The following ACOT12 variants were observed in gnomAD, a reference collection of about 807,000 sequenced individuals.
ACOT12 encodes the protein acetyl-coenzyme A thioesterase.
A neutral mutation model predicts 67.7 loss-of-function variants in ACOT12; 51 were observed. The ratio of observed to expected loss-of-function variants is 0.75; its 90% CI spans 0.60 to 0.95. ACOT12 has a LOEUF of 0.95. ACOT12 is among the 40% of genes least tolerant of loss of function. The pLI is 0.00. For missense variants in ACOT12, 734 were observed against 708.1 expected, an observed-to-expected ratio of 1.04 and a Z score of -0.41; for synonymous variants, 251 against 244.6, an observed-to-expected ratio of 1.03 and a Z score of -0.24.
intron 2 of ACOT12, among the ~76,000 whole-genome samples, chr5:81,379,538 A>G (rs1760519287): frequency 6.6e-6 from 1 of 152,108 alleles, no homozygotes; most frequent in Non-Finnish European, 1.5e-5. Flanking sequence ...ACAACACGTC[A>G]TTCACTGAGC....
At position 81,352,009 on chromosome 5, in the gene ACOT12, C is replaced by T. The variant is rs114271870; in HGVS notation, c.497-4079G>A. Among the ~76,000 whole-genome samples the T allele has an allele frequency of 1.8e-3, 276 of 152,208 alleles. 1 individual carries two copies. Among genetic ancestry groups the T allele is most frequent in the African/African-American group, 6.4e-3 (265 of 41,522 alleles). On this transcript the variant is annotated intron_variant, in intron 5 of 14. Transcript: ENST00000307624. Reference sequence around the variant, plus strand: ...GGCAAACAGGCATATAAAAAGGTATCGACATCACTGATCATCAGAGAAATG... The same window carrying T: ...GGCAAACAGGCATATAAAAAGGTATTGACATCACTGATCATCAGAGAAATG...
the ACOT12 span, among the ~76,000 whole-genome samples, chr5:81,321,946 C>G: frequency 6.7e-6 from 1 of 149,992 alleles, no homozygotes; most frequent in East Asian, 1.9e-4. Context: ...GACTCTGTCT[C>G]AAAAAGAAAG....
At chr5:81,363,697 A>G (rs990619627) in intron 4 of ACOT12, 91 bp downstream of exon 4, 40 of 871,914 alleles carry the variant, frequency 4.6e-5, no homozygotes, top group Middle Eastern at 3.1e-4. Context: ...CATGGAAAGA[A>G]GAAGTGTCAT....
chr5:81,385,658 A>C (rs1760706591), intron 2 of ACOT12, 99 bp downstream of exon 2: 1 of 1,092,562 alleles, frequency 9.2e-7, no homozygotes, highest in Admixed American at 2.1e-5. Flanking sequence ...AAGAAACAAG[A>C]TCACTACCTC....
At chr5:81,309,010 T>A in the ACOT12 span, 6 of 1,612,778 alleles carry the variant, frequency 3.7e-6, no homozygotes, top group Non-Finnish European at 4.2e-6. Context: ...GATCTTGTCC[T>A]GATAATCCCA....
chr5:81,384,109 T>C (rs1760662350), intron 2 of ACOT12, among the ~76,000 whole-genome samples: 1 of 147,168 alleles, frequency 6.8e-6, no homozygotes, highest in Non-Finnish European at 1.5e-5. Context: ...GTGCCCTACA[T>C]AGGTGTACTT....
downstream of ACOT12, among the ~76,000 whole-genome samples, chr5:81,326,720 C>A (rs551353803): frequency 1.3e-5 from 2 of 152,292 alleles, no homozygotes; most frequent in African/African-American, 4.8e-5. Context: ...CTCCTCTGCC[C>A]AGAGAGTGAG....
the ACOT12 span, among the ~76,000 whole-genome samples, chr5:81,323,932 A>G: frequency 9.1e-6 from 1 of 109,706 alleles, no homozygotes; most frequent in African/African-American, 3.0e-5. Flanking sequence ...GTATATATAC[A>G]TATATGTGTA....
Position 81,363,869 on chromosome 5 carries a change from T to C in ACOT12, c.279A>G (p.Val93=), listed in dbSNP as rs374647247. ...TCTCAATGCCAGTGAGCATATCCTG[T>C]ACCATGACCTTGATACTGATCTAAA... The part of the protein sequence containing the change: ...TSMEISIKVM[V]QDMLTGIEKL... Residue 93 remains valine, a synonymous_variant, in exon 4 of 15, where the codon GTA becomes GTG. Coordinates refer to ENST00000307624, the MANE Select transcript of ACOT12 (RefSeq NM_130767.3). 1.1e-4 allele frequency: 174 copies of C among 1,608,360 alleles called. No individual in the cohort carries two copies. Among genetic ancestry groups the C allele is most frequent in the Non-Finnish European group, 1.3e-4 (157 of 1,177,572 alleles).
the ACOT12 span, among the ~76,000 whole-genome samples, chr5:81,323,866 G>A: frequency 2.8e-5 from 4 of 141,372 alleles, no homozygotes; most frequent in African/African-American, 1.0e-4. Flanking sequence ...ATATGCATAT[G>A]TATATATGTG....
chr5:81,391,962 A>G (rs1016160258), intron 1 of ACOT12, among the ~76,000 whole-genome samples: 2 of 152,222 alleles, frequency 1.3e-5, no homozygotes, highest in Admixed American at 1.3e-4. Context: ...AGATTCACAA[A>G]TAAAAAACCG....
intron 12 of ACOT12, among the ~76,000 whole-genome samples, chr5:81,333,603 G>T (rs1758901036): frequency 6.6e-6 from 1 of 152,162 alleles, no homozygotes; most frequent in Admixed American, 6.5e-5. Context: ...TAGAGATAGT[G>T]GGAGAAACAT....
chr5:81,336,875 G>C (rs1444756634), intron 11 of ACOT12, among the ~76,000 whole-genome samples: 1 of 152,152 alleles, frequency 6.6e-6, no homozygotes, highest in Non-Finnish European at 1.5e-5. Context: ...AAGAGAATGA[G>C]AAAATGAGAA....
At chr5:81,388,920 C>T (rs1760797984) in intron 1 of ACOT12, among the ~76,000 whole-genome samples, 1 of 152,174 alleles carries the variant, frequency 6.6e-6, no homozygotes, top group South Asian at 2.1e-4. Context: ...TTCTCTCCTG[C>T]CACCGCCATA....
At position 81,341,213 on chromosome 5, in the gene ACOT12, C is replaced by A. The variant is rs1036812674; in HGVS notation, c.1128+1459G>T. ...AGATAAACAAATGCATTAGTTAAACCTGTGTTTCTGCATCACTGAACCAGG... is the reference window on the plus strand; with the variant it reads ...AGATAAACAAATGCATTAGTTAAACATGTGTTTCTGCATCACTGAACCAGG... On this transcript the variant is annotated intron_variant, in intron 11 of 14. Transcript: ENST00000307624. 3.6e-4 allele frequency among the ~76,000 whole-genome samples: 55 copies of A among 152,236 alleles called. 1 individual carries two copies. The highest frequency in any genetic ancestry group is 8.3e-4 in the South Asian group (4 of 4,816).
At chr5:81,309,223 A>G in the ACOT12 span, 1 of 459,330 alleles carries the variant, frequency 2.2e-6, no homozygotes, top group Non-Finnish European at 3.8e-6. Context: ...TCAGATGTTA[A>G]TAAAACAAAT....
chr5:81,345,156 G>T, intron 7 of ACOT12, 115 bp from the exon 8 acceptor site: 1 of 1,340,014 alleles, frequency 7.5e-7, no homozygotes, highest in Non-Finnish European at 1.0e-6. Flanking sequence ...GCAACAGGAG[G>T]ATAAGGGCCT....
chr5:81,335,651 A>G (rs1403559049), intron 12 of ACOT12, 117 bp downstream of exon 12: 24 of 1,306,862 alleles, frequency 1.8e-5, no homozygotes, highest in African/African-American at 3.0e-5. Context: ...CAAACTTCTA[A>G]AAATACTCTT....
chr5:81,328,743 G>A (rs1758735339), downstream of ACOT12, among the ~76,000 whole-genome samples: 1 of 152,130 alleles, frequency 6.6e-6, no homozygotes, highest in Non-Finnish European at 1.5e-5. Context: ...TAAAAAAGGG[G>A]TAGAAGGGAT....
Sources: allele counts gnomAD v4.1 joint callset (sites outside exome capture counted in the v4.1 genomes callset), GRCh38; gene constraint gnomAD v4.1.1; transcripts MANE v1.5; gene names NCBI Gene and HGNC (gene_info 2026-07-23, HGNC 2026-07-21).